The following TCF7L2 variants were observed in gnomAD, a reference collection of about 807,000 sequenced individuals.
TCF7L2 encodes the protein transcription factor 7-like 2.
A neutral mutation model predicts 77.9 loss-of-function variants in TCF7L2; 23 were observed. The ratio of observed to expected loss-of-function variants is 0.30; its 90% CI spans 0.21 to 0.42. The LOEUF (loss-of-function observed/expected upper bound fraction) is 0.42, where lower values mean the gene tolerates loss of function less well. Ranked by LOEUF, TCF7L2 falls within the 10% of genes least tolerant of loss-of-function variation. The pLI, the probability that TCF7L2 is intolerant of heterozygous loss-of-function variation, is 1.00. For missense variants in TCF7L2, 654 were observed against 793.1 expected (o/e 0.82, Z 2.11); for synonymous variants, 413 against 340.2 (o/e 1.21, Z -2.36).
intron 4 of TCF7L2, among the ~76,000 whole-genome samples, chr10:112,968,171 T>C (rs970800867): frequency 6.6e-6 from 1 of 152,120 alleles, no homozygotes; most frequent in African/African-American, 2.4e-5. Flanking sequence ...GTTTTGGGCT[T>C]TTTGAGCCGC....
At chr10:112,989,259 G>A (rs11196181) in intron 4 of TCF7L2, among the ~76,000 whole-genome samples, 6,907 of 151,820 alleles carry the variant, frequency 0.045, 220 homozygotes, top group Middle Eastern at 0.092. Context: ...TCTGGCTGGA[G>A]TGACTGAGGC....
At chr10:113,105,689 C>T (rs989505219) in intron 5 of TCF7L2, among the ~76,000 whole-genome samples, 4 of 152,160 alleles carry the variant, frequency 2.6e-5, no homozygotes, top group African/African-American at 7.2e-5. Flanking sequence ...TTTGCTCTGC[C>T]TTTCTTCGAA....
chr10:113,152,022 T>A, intron 10 of TCF7L2, 138 bp downstream of exon 10: 2 of 1,213,892 alleles, frequency 1.6e-6, no homozygotes, highest in Non-Finnish European at 2.3e-6. Context: ...AATCCTTGAA[T>A]GGCCTTCACT....
chr10:112,950,974 T>G (rs2134181750), intron 1 of TCF7L2, 29 bp downstream of exon 1: 1 of 1,589,602 alleles, frequency 6.3e-7, no homozygotes, highest in Non-Finnish European at 8.5e-7. Flanking sequence ...GCTGGTGGGG[T>G]TTTTTATCTG....
intron 5 of TCF7L2, among the ~76,000 whole-genome samples, chr10:113,131,576 A>T (rs759627034): frequency 6.6e-6 from 1 of 152,198 alleles, no homozygotes; most frequent in South Asian, 2.1e-4. Flanking sequence ...AGAGTAAACC[A>T]CTATTCTTGA....
chr10:112,954,256 GGT>G (rs753488808), intron 3 of TCF7L2, among the ~76,000 whole-genome samples: 12 of 152,160 alleles, frequency 7.9e-5, no homozygotes, highest in Non-Finnish European at 1.3e-4. Flanking sequence ...TTTGCTCCTT[GGT>G]GGCGGTGATT....
intron 5 of TCF7L2, chr10:113,129,097 C>T (rs1220196118): frequency 1.9e-5 from 3 of 158,568 alleles, no homozygotes; most frequent in African/African-American, 7.2e-5. Flanking sequence ...GAAAATCTTT[C>T]AGGCACATTC....
At chr10:113,025,013 G>T (rs1171993599) in intron 4 of TCF7L2, among the ~76,000 whole-genome samples, 1 of 152,118 alleles carries the variant, frequency 6.6e-6, no homozygotes, top group Admixed American at 6.6e-5. Flanking sequence ...CTCCTCACTT[G>T]AGGTCAGGTG....
At chr10:113,073,503 CAAAAAAAAAAAAAA>C (rs35730806) in intron 5 of TCF7L2, among the ~76,000 whole-genome samples, 5 of 43,966 alleles carry the variant, frequency 1.1e-4, no homozygotes, top group African/African-American at 1.9e-4. Flanking sequence ...CGGTCTCTAC[CAAAAAAAAAAAAAA>C]AAAAAAAAAA....
intron 5 of TCF7L2, among the ~76,000 whole-genome samples, chr10:113,068,889 G>C (rs1233910936): frequency 6.6e-6 from 1 of 151,254 alleles, no homozygotes; most frequent in African/African-American, 2.4e-5. Flanking sequence ...TTTACCGTTG[G>C]CTCCCAATTC....
rs148167887 is a variant in TCF7L2, at chr10:113,101,098, T to C, written c.553-40086T>C. ...CTCAAGGGGGGAAAAAATCCATCCT[T>C]CTTCAATGTGTATCTTATCCTTCTC... On this transcript the variant is annotated intron_variant, in intron 5 of 13. Transcript: ENST00000627217. Among the ~76,000 whole-genome samples, 6 of 152,176 alleles carry C rather than the reference T, an allele frequency of 3.9e-5. No individual in the cohort carries two copies. The East Asian group carries it at 1.2e-3, about 29-fold the overall frequency.
chr10:113,079,618 A>G (rs1342308108), intron 5 of TCF7L2, among the ~76,000 whole-genome samples: 1 of 152,174 alleles, frequency 6.6e-6, no homozygotes, highest in Non-Finnish European at 1.5e-5. Flanking sequence ...ATCTAAATCC[A>G]AGAACGTTGG....
chr10:113,151,020 C>G lies in TCF7L2; in HGVS notation c.898C>G (p.Pro300Ala), dbSNP rs2070651459. ...TAGGTTCCCTCCCCATATGGTCCCA[C>G]CACATCATACGCTACACACGACGGG... Residue 300 changes from proline (P) to alanine (A), a missense_variant, in exon 9 of 14, where the codon CCA becomes GCA. Physicochemically the swap from Pro to Ala is conservative, Grantham distance 27. Transcript: ENST00000627217. The surrounding 1 kb of genome is among the most constrained non-coding windows in gnomAD (Gnocchi z 5.2). 3 of 1,614,110 alleles carry G rather than the reference C, an allele frequency of 1.9e-6. No homozygotes were observed. The highest frequency in any genetic ancestry group is 2.5e-6 in the Non-Finnish European group (3 of 1,180,028).
At chr10:113,071,468 C>G (rs2058001073) in intron 5 of TCF7L2, among the ~76,000 whole-genome samples, 2 of 152,138 alleles carry the variant, frequency 1.3e-5, no homozygotes, top group Non-Finnish European at 2.9e-5. Context: ...TCCCTTGGTG[C>G]TAAAAGGAAC....
intron 5 of TCF7L2, among the ~76,000 whole-genome samples, chr10:113,054,951 TTCTTTTTAACTGC>T (rs1354415363): frequency 6.6e-6 from 1 of 152,190 alleles, no homozygotes; most frequent in Non-Finnish European, 1.5e-5. Flanking sequence ...ATTTAGCTCA[TTCTTTTTAACTGC>T]TCTGTAGTAT....
chr10:113,113,172 A>G (rs888084440), intron 5 of TCF7L2, among the ~76,000 whole-genome samples: 3 of 152,186 alleles, frequency 2.0e-5, no homozygotes, highest in African/African-American at 7.2e-5. Context: ...TGCCTTGTCA[A>G]GTCGGTGAAA....
At chr10:112,975,970 T>C (rs1339333382) in intron 4 of TCF7L2, among the ~76,000 whole-genome samples, 1 of 152,234 alleles carries the variant, frequency 6.6e-6, no homozygotes, top group African/African-American at 2.4e-5. Flanking sequence ...CCATTGATAT[T>C]ATACTATATT....
At chr10:113,158,865 A>ATT in intron 12 of TCF7L2, 148 bp downstream of exon 13, 2 of 619,484 alleles carry the variant, frequency 3.2e-6, no homozygotes, top group Non-Finnish European at 4.9e-6. Context: ...GTTTCAGTAG[A>ATT]TTTTTTTTTT....
intron 4 of TCF7L2, among the ~76,000 whole-genome samples, chr10:113,026,973 CTT>C (rs1452254649): frequency 6.6e-6 from 1 of 152,184 alleles, no homozygotes; most frequent in African/African-American, 2.4e-5. Flanking sequence ...AAGCCAAGTT[CTT>C]TTAAAGACTA....
Sources: allele counts gnomAD v4.1 joint callset (sites outside exome capture counted in the v4.1 genomes callset), GRCh38; gene constraint gnomAD v4.1.1; non-coding constraint Gnocchi (gnomAD v3.1); transcripts MANE v1.5; gene names NCBI Gene and HGNC (gene_info 2026-07-23, HGNC 2026-07-21).